The following RYR1 variants were observed in gnomAD, a reference collection of about 807,000 sequenced individuals.
RYR1 encodes the protein ryanodine receptor 1, also known as central core disease of muscle.
Under a neutral mutation model 583.5 loss-of-function variants are expected in RYR1, and 342 were observed. The ratio of observed to expected loss-of-function variants is 0.59; its 90% CI spans 0.54 to 0.64. The LOEUF (loss-of-function observed/expected upper bound fraction) is 0.64. Ranked by LOEUF, RYR1 falls within the 30% of genes least tolerant of loss-of-function variation. The pLI, the probability that RYR1 is intolerant of heterozygous loss-of-function variation, is 0.00. For missense variants in RYR1, 6,032 were observed against 6,917.2 expected, an observed-to-expected ratio of 0.87 and a Z score of 4.54; for synonymous variants, 2,791 against 2,822.5, an observed-to-expected ratio of 0.99 and a Z score of 0.35.
At chr19:38,442,496 C>T (rs989738805) in intron 3 of RYR1, 43 bp downstream of exon 3, 15 of 1,469,776 alleles carry the variant, frequency 1.0e-5, no homozygotes, top group East Asian at 6.8e-5. Context: ...CAGAGATGGG[C>T]GAGAGGACCC....
intron 101 of RYR1, among the ~76,000 whole-genome samples, chr19:38,581,016 A>T (rs1974179677): frequency 1.4e-5 from 2 of 147,688 alleles, no homozygotes; most frequent in African/African-American, 5.0e-5. Flanking sequence ...CTCCTGCCTC[A>T]GCCTCCCAAG....
At chr19:38,527,816 G>A (rs758371132) in intron 73 of RYR1, 32 bp downstream of exon 73, 4 of 1,612,350 alleles carry the variant, frequency 2.5e-6, no homozygotes, top group African/African-American at 1.3e-5. Flanking sequence ...TTTCTACTGG[G>A]TCTCTGGGCG....
intron 58 of RYR1, among the ~76,000 whole-genome samples, chr19:38,509,448 TTA>T (rs1491406516): frequency 1.4e-3 from 140 of 103,336 alleles, no homozygotes; most frequent in Non-Finnish European, 2.1e-3. Context: ...ATTATTATTA[TTA>T]TTTTTTTTTT....
Position 38,537,525 on chromosome 19 carries a change from G to C in RYR1, c.11609-355G>C, listed in dbSNP as rs528005357. Among the ~76,000 whole-genome samples, 11 of 152,236 alleles carry C rather than the reference G, an allele frequency of 7.2e-5. No individual in the cohort carries two copies. The East Asian group carries it at 7.7e-4, about 11-fold the overall frequency. On this transcript the variant is annotated intron_variant, in intron 83 of 105. Coordinates refer to ENST00000359596, the MANE Select transcript of RYR1 (RefSeq NM_000540.3). ...ATCCATTAACCTCCACGGTCTGAAG[G>C]GGGGCTGAGGGCATTACCAGCTGCC...
At chr19:38,530,876 C>T (rs575588193) in intron 76 of RYR1, among the ~76,000 whole-genome samples, 6 of 151,862 alleles carry the variant, frequency 4.0e-5, no homozygotes, top group South Asian at 2.1e-4. Flanking sequence ...AATCTCGGCT[C>T]GCTGCAATCT....
intron 8 of RYR1, 34 bp from the exon 9 acceptor site, chr19:38,446,660 G>A (rs763412311): frequency 1.9e-6 from 3 of 1,610,336 alleles, no homozygotes; most frequent in South Asian, 2.2e-5. Context: ...CCGGGGAGCT[G>A]AACCCTTGAC....
chr19:38,478,513 G>A lies in RYR1; in HGVS notation c.4533G>A (p.Thr1511=), dbSNP rs147901772. 28 of 1,614,038 alleles carry A rather than the reference G, an allele frequency of 1.7e-5. No individual in the cohort carries two copies. The highest frequency in any genetic ancestry group is 1.1e-4 in the South Asian group (10 of 91,084). ...SPGQQGRISH[T]DLVIGCLVDL... is the part of the protein sequence containing the mutation. The stretch of plus-strand genomic sequence containing the variant: ...GGCAGCAGGGCCGGATCAGCCACAC[G>A]GACCTTGTCATTGGGTGCCTGGTGG... Residue 1511 remains threonine, a synonymous_variant, in exon 31 of 106, where the codon ACG becomes ACA. Transcript: ENST00000359596.
In RYR1 at chr19:38,477,750, G is replaced by C; in HGVS notation, c.4334G>C (p.Ser1445Thr). The C allele has an allele frequency of 6.2e-7, 1 of 1,614,168 alleles. No individual in the cohort carries two copies. Among genetic ancestry groups the C allele is most frequent in the Non-Finnish European group, 8.5e-7 (1 of 1,180,022 alleles). The change falls in exon 30 of 106, where the codon AGC (serine) becomes ACC (threonine). Residue 1445 changes from serine to threonine, a missense_variant. Around this residue, in one of 11 missense-constraint regions of RYR1, gnomAD observed 2,627 missense variants for 2,961.3 expected, o/e 0.89. Coordinates refer to ENST00000359596, the MANE Select transcript of RYR1 (RefSeq NM_000540.3). ...AGGGTCTTTGCTGGACAGGAGCCCA[G>C]CTGCGTGTGGGCGGGCTGGGTCACC... ...SVRVFAGQEP[S>T]CVWAGWVTPD...
At chr19:38,569,599 G>T (rs369275592) in intron 93 of RYR1, among the ~76,000 whole-genome samples, 1 of 151,940 alleles carries the variant, frequency 6.6e-6, no homozygotes, top group Non-Finnish European at 1.5e-5. Flanking sequence ...CAGGCAGGGC[G>T]ACAGGTGGGG....
chr19:38,472,881 G>C (rs961844769), intron 27 of RYR1, among the ~76,000 whole-genome samples: 6 of 144,260 alleles, frequency 4.2e-5, no homozygotes, highest in African/African-American at 1.3e-4. Flanking sequence ...AAAGAATCTT[G>C]TACGCACAGT....
intron 13 of RYR1, 60 bp from the exon 14 acceptor site, chr19:38,455,175 A>G: frequency 6.3e-7 from 1 of 1,591,656 alleles, no homozygotes; most frequent in African/African-American, 1.3e-5. Context: ...AATCCAAGAA[A>G]GACAAGGAAG....
chr19:38,569,774 A>G (rs1204415415), intron 93 of RYR1, among the ~76,000 whole-genome samples: 2 of 152,186 alleles, frequency 1.3e-5, no homozygotes, highest in Non-Finnish European at 2.9e-5. Context: ...TGCGCATAAC[A>G]GTAGTGCCCA....
intron 27 of RYR1, among the ~76,000 whole-genome samples, chr19:38,473,075 A>C (rs1968512217): frequency 6.6e-6 from 1 of 151,144 alleles, no homozygotes; most frequent in Admixed American, 6.6e-5. Flanking sequence ...AGAATGACAG[A>C]GTAGATTGTT....
chr19:38,514,405 C>T (rs893752226), intron 63 of RYR1, among the ~76,000 whole-genome samples: 27 of 151,680 alleles, frequency 1.8e-4, no homozygotes, highest in African/African-American at 2.4e-4. Context: ...CTCAGCCCCC[C>T]GAGTAGCTGG....
At chr19:38,572,955 C>T (rs1042540368) in intron 95 of RYR1, among the ~76,000 whole-genome samples, 1 of 151,154 alleles carries the variant, frequency 6.6e-6, no homozygotes, top group Non-Finnish European at 1.5e-5. Context: ...CCCTGACCCC[C>T]CTGCCTGTGC....
intron 89 of RYR1, among the ~76,000 whole-genome samples, chr19:38,555,873 C>A (rs1972856582): frequency 6.6e-6 from 1 of 151,766 alleles, no homozygotes; most frequent in South Asian, 2.1e-4. Context: ...AAATTTTCTT[C>A]TTTTTTTTGA....
intron 24 of RYR1, among the ~76,000 whole-genome samples, chr19:38,466,829 A>G (rs1003711038): frequency 3.3e-5 from 5 of 152,044 alleles, no homozygotes; most frequent in African/African-American, 9.7e-5. Flanking sequence ...CACATCGAGC[A>G]GACTGACCAG....
chr19:38,484,576 A>G (rs954255425), intron 33 of RYR1, among the ~76,000 whole-genome samples: 2 of 152,108 alleles, frequency 1.3e-5, no homozygotes, highest in Non-Finnish European at 2.9e-5. Flanking sequence ...GTGACATTCT[A>G]GTAATGCTTG....
Position 38,463,143 on chromosome 19 carries a change from C to T in RYR1, c.2578-280C>T, listed in dbSNP as rs868214484. Among the ~76,000 whole-genome samples the T allele has an allele frequency of 1.0e-4, 5 of 49,286 alleles. 2 individuals carry two copies. The highest frequency in any genetic ancestry group is 1.7e-4 in the African/African-American group (2 of 11,430). The allele number at this position is 49,286 out of a possible 152,430, so 32.3% of individuals were successfully genotyped here. On this transcript the variant is annotated intron_variant, in intron 20 of 105. Transcript: ENST00000359596. ...GAACTCCTGACCTCAGGCGATCTGC[C>T]CCCCCCCCCCCCACTTAGCCTCCCA... is the stretch of plus-strand genomic sequence containing the variant.
Sources: allele counts gnomAD v4.1 joint callset (sites outside exome capture counted in the v4.1 genomes callset), GRCh38; gene constraint gnomAD v4.1.1; regional missense constraint gnomAD v4.1.1; transcripts MANE v1.5; gene names NCBI Gene and HGNC (gene_info 2026-07-23, HGNC 2026-07-21).